Variants in PTPRN2 observed in about 807,000 individuals in gnomAD.
The protein encoded by PTPRN2 is protein tyrosine phosphatase receptor type N2, also known as receptor-type tyrosine-protein phosphatase N2.
PTPRN2 carries 74 observed loss-of-function variants against 118.8 expected under a neutral mutation model. The ratio of observed to expected loss-of-function variants is 0.62; its 90% CI spans 0.52 to 0.76. The LOEUF is 0.76. PTPRN2 is among the 30% of genes least tolerant of loss of function. The probability of loss-of-function intolerance (pLI) is 0.00; values close to 1 mark genes in which losing one functional copy is unlikely to be tolerated. For missense variants in PTPRN2, 1,481 were observed against 1,394.4 expected (o/e 1.06, Z -0.99); for synonymous variants, 641 against 608.0 (o/e 1.05, Z -0.80).
chr7:157,925,628 A>G (rs1439331676), intron 11 of PTPRN2, among the ~76,000 whole-genome samples: 1 of 152,068 alleles, frequency 6.6e-6, no homozygotes. Context: ...GGGGCCACAG[A>G]GTGATGGGCC....
intron 2 of PTPRN2, among the ~76,000 whole-genome samples, chr7:158,442,783 A>G (rs984134555): frequency 1.3e-5 from 2 of 152,204 alleles, no homozygotes; most frequent in Non-Finnish European, 2.9e-5. Flanking sequence ...GGAAACATGC[A>G]TATGAAAAAG....
chr7:157,838,083 G>A (rs1449597149), intron 12 of PTPRN2, among the ~76,000 whole-genome samples: 5 of 150,104 alleles, frequency 3.3e-5, no homozygotes, highest in East Asian at 2.0e-4. Context: ...TGGATGGTAC[G>A]GGAGAAAGCT....
At chr7:158,064,289 G>A (rs1810587160) in intron 11 of PTPRN2, among the ~76,000 whole-genome samples, 1 of 152,200 alleles carries the variant, frequency 6.6e-6, no homozygotes, top group Admixed American at 6.5e-5. Context: ...GGGCTCAGAA[G>A]CAGCTGGAGA....
At chr7:158,253,530 C>T (rs1171767406) in intron 3 of PTPRN2, among the ~76,000 whole-genome samples, 2 of 152,178 alleles carry the variant, frequency 1.3e-5, no homozygotes, top group Non-Finnish European at 2.9e-5. Context: ...GGGGCAGCCC[C>T]GGGTCTCCAG....
chr7:158,027,712 C>G (rs114824165), intron 11 of PTPRN2: 1 of 152,354 alleles, frequency 6.6e-6, no homozygotes, highest in African/African-American at 2.4e-5. Flanking sequence ...GAAAGCAAGA[C>G]AGAGTTTGGG....
chr7:157,684,302 G>C (rs1797056055), intron 12 of PTPRN2, among the ~76,000 whole-genome samples: 1 of 151,714 alleles, frequency 6.6e-6, no homozygotes, highest in African/African-American at 2.4e-5. Flanking sequence ...GAGGAGGACC[G>C]CGAGGTTCTC....
chr7:158,316,357 G>C (rs73746482), intron 3 of PTPRN2, among the ~76,000 whole-genome samples: 1 of 152,088 alleles, frequency 6.6e-6, no homozygotes, highest in Non-Finnish European at 1.5e-5. Context: ...GAATTCCCTG[G>C]TCCTACCATG....
At position 157,656,487 on chromosome 7, in the gene PTPRN2, C is replaced by T. The variant is rs747049323; in HGVS notation, c.2066G>A (p.Arg689His). 1.1e-5 allele frequency: 17 copies of T among 1,554,610 alleles called. No individual in the cohort carries two copies. The highest frequency in any genetic ancestry group is 5.7e-5 in the Admixed American group (3 of 52,650). The change falls in exon 14 of 23, where the codon CGC (arginine) becomes CAC (histidine). Residue 689 changes from arginine to histidine, a missense_variant. By Grantham distance (29) the Arg-to-His change is conservative. This residue lies in a region of PTPRN2 where 1,115 missense variants were observed against 994.2 expected (regional missense o/e 1.12). Transcript: ENST00000389418. ...GAACTGGGATGAGACGCTGCTGATG[C>T]GTGACGTGTGCGGGCCCTCAGGTCG... ...PDRPEGPHTS[R>H]ISSVSSQFSD...
chr7:158,152,897 C>A (rs1821339901), intron 6 of PTPRN2, among the ~76,000 whole-genome samples: 1 of 130,716 alleles, frequency 7.7e-6, no homozygotes, highest in South Asian at 2.5e-4. Context: ...CCAACAGACA[C>A]CAGCACGCCA....
At chr7:157,707,719 T>C (rs926515966) in intron 12 of PTPRN2, among the ~76,000 whole-genome samples, 5 of 152,028 alleles carry the variant, frequency 3.3e-5, no homozygotes, top group Non-Finnish European at 7.4e-5. Flanking sequence ...ATAATCCCAA[T>C]TGGGATTACA....
intron 3 of PTPRN2, among the ~76,000 whole-genome samples, chr7:158,269,388 G>C (rs1798143000): frequency 6.6e-6 from 1 of 152,202 alleles, no homozygotes; most frequent in Non-Finnish European, 1.5e-5. Context: ...TTTCTGCTTT[G>C]ACCTTTGCTG....
chr7:157,713,904 T>C (rs1270415906), intron 12 of PTPRN2, among the ~76,000 whole-genome samples: 2 of 152,134 alleles, frequency 1.3e-5, no homozygotes, highest in South Asian at 2.1e-4. Flanking sequence ...AGAGCACGCC[T>C]CGCTCCCCTT....
At chr7:157,970,488 G>A (rs2128816954) in intron 11 of PTPRN2, among the ~76,000 whole-genome samples, 1 of 152,336 alleles carries the variant, frequency 6.6e-6, no homozygotes, top group Admixed American at 6.5e-5. Flanking sequence ...AGCAGAGCAG[G>A]GAGTGAAGCT....
At chr7:158,496,405 C>A (rs1212080198) in intron 1 of PTPRN2, among the ~76,000 whole-genome samples, 1 of 27,334 alleles carries the variant, frequency 3.7e-5, no homozygotes, top group Admixed American at 3.2e-4. Context: ...CCCTTCTGAG[C>A]CCCCTCCCCT....
At chr7:158,274,376 A>AG (rs1798805660) in intron 3 of PTPRN2, among the ~76,000 whole-genome samples, 1 of 108,782 alleles carries the variant, frequency 9.2e-6, no homozygotes, top group East Asian at 3.0e-4. Flanking sequence ...CCGCAGACAC[A>AG]GGGGGAGCCG....
intron 3 of PTPRN2, among the ~76,000 whole-genome samples, chr7:158,222,517 A>T (rs1319056889): frequency 6.6e-6 from 1 of 152,212 alleles, no homozygotes; most frequent in Non-Finnish European, 1.5e-5. Flanking sequence ...AGTGGAAACT[A>T]AACACGGAGT....
At position 158,525,796 on chromosome 7, in the gene PTPRN2, C is replaced by T. The variant is rs1410583105; in HGVS notation, c.113-36011G>A. Among the ~76,000 whole-genome samples the T allele has an allele frequency of 6.6e-6, 1 of 152,206 alleles. No homozygotes were observed. The highest frequency in any genetic ancestry group is 1.5e-5 in the Non-Finnish European group (1 of 68,048). Reference sequence around the variant, plus strand: ...CACGGCACCTGCTCCACAGCCACCTCTCTCTGCTGTGCTCACACAGTGTGG... The same window carrying T: ...CACGGCACCTGCTCCACAGCCACCTTTCTCTGCTGTGCTCACACAGTGTGG... On this transcript the variant is annotated intron_variant, in intron 1 of 22. Coordinates refer to ENST00000389418, the MANE Select transcript of PTPRN2 (RefSeq NM_002847.5). This position sits in a 1 kb window ranked among gnomAD's most constrained non-coding sequence, Gnocchi z 4.1.
rs969600262 is a variant in PTPRN2, at chr7:157,785,242, C to A, written c.1789-102305G>T. Among the ~76,000 whole-genome samples, 7 of 152,118 alleles carry A rather than the reference C, an allele frequency of 4.6e-5. No homozygotes were observed. On this transcript the variant is annotated intron_variant, in intron 12 of 22. Coordinates refer to ENST00000389418, the MANE Select transcript of PTPRN2 (RefSeq NM_002847.5). This position sits in a 1 kb window ranked among gnomAD's most constrained non-coding sequence, Gnocchi z 7.3. The stretch of plus-strand genomic sequence containing the variant: ...CACGCCCCGCCCCACAGGCTTGCAC[C>A]GGGGTGCGGCCTGCCCTGTCTGGGG...
At chr7:157,777,710 C>A (rs536666338) in intron 12 of PTPRN2, among the ~76,000 whole-genome samples, 2 of 152,316 alleles carry the variant, frequency 1.3e-5, no homozygotes, top group East Asian at 3.9e-4. Context: ...CATAATTCAG[C>A]GAACTTCACA....
Sources: allele counts gnomAD v4.1 joint callset (sites outside exome capture counted in the v4.1 genomes callset), GRCh38; gene constraint gnomAD v4.1.1; regional missense constraint gnomAD v4.1.1; non-coding constraint Gnocchi (gnomAD v3.1); transcripts MANE v1.5; gene names NCBI Gene and HGNC (gene_info 2026-07-23, HGNC 2026-07-21).